Variants in TENM4 observed in about 807,000 individuals in gnomAD.
TENM4 encodes teneurin transmembrane protein 4.
TENM4 carries 82 observed loss-of-function variants against 243.3 expected under a neutral mutation model. The observed-to-expected ratio is 0.34, with a 90% CI of 0.28 to 0.40. TENM4 has a LOEUF of 0.40. TENM4 is among the 10% of genes least tolerant of loss of function. TENM4 has a pLI of 1.00. For missense variants in TENM4, 3,138 were observed against 3,673.3 expected, an observed-to-expected ratio of 0.85 and a Z score of 3.77; for synonymous variants, 1,412 against 1,456.3, an observed-to-expected ratio of 0.97 and a Z score of 0.69.
At chr11:78,730,427 A>C (rs1340859486) in intron 21 of TENM4, among the ~76,000 whole-genome samples, 1 of 152,218 alleles carries the variant, frequency 6.6e-6, no homozygotes, top group Non-Finnish European at 1.5e-5. Context: ...CCTGTGGTTC[A>C]CAGCCCCAGC....
At chr11:78,942,991 A>T (rs1382896632) in intron 6 of TENM4, among the ~76,000 whole-genome samples, 1 of 152,162 alleles carries the variant, frequency 6.6e-6, no homozygotes. Context: ...CAGATTTTCA[A>T]ATCCAATGAA....
intron 2 of TENM4, among the ~76,000 whole-genome samples, chr11:79,241,889 C>A (rs184704936): frequency 8.4e-4 from 128 of 152,280 alleles, no homozygotes; most frequent in African/African-American, 2.9e-3. Flanking sequence ...ACCCTGGAGT[C>A]TTATATGGAA....
chr11:79,396,092 T>G (rs538804), intron 1 of TENM4, among the ~76,000 whole-genome samples: 1 of 152,026 alleles, frequency 6.6e-6, no homozygotes, highest in Non-Finnish European at 1.5e-5. Context: ...CTGCCTATGT[T>G]CTTCCCATCC....
chr11:78,742,286 C>A (rs1855947832), intron 19 of TENM4, among the ~76,000 whole-genome samples: 1 of 152,160 alleles, frequency 6.6e-6, no homozygotes, highest in Non-Finnish European at 1.5e-5. Context: ...TGCTCGAGGT[C>A]ACCCAGAAAT....
chr11:79,264,106 C>T (rs1000452512), intron 2 of TENM4, among the ~76,000 whole-genome samples: 1 of 152,110 alleles, frequency 6.6e-6, no homozygotes, highest in Admixed American at 6.5e-5. Context: ...CTGCAAGCGC[C>T]GTTTTGCTGA....
intron 6 of TENM4, among the ~76,000 whole-genome samples, chr11:79,061,400 C>T (rs1860082090): frequency 6.6e-6 from 1 of 152,172 alleles, no homozygotes; most frequent in Non-Finnish European, 1.5e-5. Flanking sequence ...CCTCTGCCCA[C>T]CCGTCTACCC....
At position 78,903,376 on chromosome 11, in the gene TENM4, G is replaced by A; in HGVS notation, c.641C>T (p.Ala214Val). ...NFTPRSNPSP[A>V]PTDHSLSGEP... ...TCCGGAGAGCGAGTGGTCCGTGGGGGCCGGGCTGGGGTTGCTCCTCGGCGT... is the reference window on the plus strand; with the variant it reads ...TCCGGAGAGCGAGTGGTCCGTGGGGACCGGGCTGGGGTTGCTCCTCGGCGT... Residue 214 changes from alanine (A) to valine (V), a missense_variant, in exon 7 of 34, where the codon GCC (alanine) becomes GTC (valine). Around this residue, in one of 2 missense-constraint regions of TENM4, gnomAD observed 671 missense variants for 614.1 expected, o/e 1.09. Coordinates refer to ENST00000278550, the MANE Select transcript of TENM4 (RefSeq NM_001098816.3). 2.0e-6 allele frequency: 3 copies of A among 1,519,230 alleles called. No homozygotes were observed. Among genetic ancestry groups the A allele is most frequent in the African/African-American group, 1.4e-5 (1 of 70,866 alleles). The allele number at this position is 1,519,230 out of a possible 1,614,324, so 94.1% of individuals were successfully genotyped here.
At chr11:78,882,228 C>A (rs982519099) in intron 9 of TENM4, among the ~76,000 whole-genome samples, 3 of 152,118 alleles carry the variant, frequency 2.0e-5, no homozygotes, top group Admixed American at 6.6e-5. Context: ...ATGAGCTGAG[C>A]CAGATGGAAA....
intron 8 of TENM4, 26 bp downstream of exon 8, chr11:78,891,212 G>A: frequency 6.5e-7 from 1 of 1,548,456 alleles, no homozygotes; most frequent in Non-Finnish European, 8.7e-7. Context: ...AGCACACACA[G>A]AGAGGAGAAT....
At chr11:79,105,033 C>T (rs1211784110) in intron 4 of TENM4, among the ~76,000 whole-genome samples, 1 of 152,164 alleles carries the variant, frequency 6.6e-6, no homozygotes, top group Non-Finnish European at 1.5e-5. Context: ...TACATTCATG[C>T]ATGTGCCAGA....
intron 6 of TENM4, among the ~76,000 whole-genome samples, chr11:78,917,789 A>C (rs893577930): frequency 6.6e-6 from 1 of 152,154 alleles, no homozygotes; most frequent in African/African-American, 2.4e-5. Flanking sequence ...AACGTAATAC[A>C]GTATGGTAGG....
intron 3 of TENM4, among the ~76,000 whole-genome samples, chr11:79,169,673 A>G (rs560894339): frequency 6.6e-6 from 1 of 152,280 alleles, no homozygotes; most frequent in African/African-American, 2.4e-5. Flanking sequence ...ACTTAACCAC[A>G]AGCCACCACC....
chr11:79,297,115 C>T (rs1193175477), intron 2 of TENM4, among the ~76,000 whole-genome samples: 1 of 152,218 alleles, frequency 6.6e-6, no homozygotes, highest in Non-Finnish European at 1.5e-5. Flanking sequence ...GCTCTCTGTT[C>T]TTGACGTACC....
Position 78,974,415 on chromosome 11 carries a change from T to C in TENM4, c.494-70892A>G, listed in dbSNP as rs566512860. Among the ~76,000 whole-genome samples, 6 of 152,334 alleles carry C rather than the reference T, an allele frequency of 3.9e-5. No individual in the cohort carries two copies. The South Asian group carries it at 1.0e-3, about 26-fold the overall frequency. Reference sequence around the variant, plus strand: ...TGAGGCTAGGAGAGGTGATATGACTTGTGCAGGGACACACAACTTTTAAGG... The same window carrying C: ...TGAGGCTAGGAGAGGTGATATGACTCGTGCAGGGACACACAACTTTTAAGG... On this transcript the variant is annotated intron_variant, in intron 6 of 33. Coordinates refer to ENST00000278550, the MANE Select transcript of TENM4 (RefSeq NM_001098816.3).
Position 78,658,237 on chromosome 11 carries a change from G to A in TENM4, c.8131C>T (p.Arg2711Trp), listed in dbSNP as rs747291762. Reference protein sequence around the residue: ...QAWAREQQRLREGEEGLRAWT... With the variant: ...QAWAREQQRLWEGEEGLRAWT... ...GCCCGCAGGCCTTCCTCCCCTTCCC[G>A]CAGTCTCTGCTGCTCGCGGGCCCAC... The change falls in exon 34 of 34, where the codon CGG becomes TGG. Residue 2711 changes from arginine to tryptophan, a missense_variant. Arg to Trp is a moderately radical substitution (Grantham distance 101, BLOSUM62 -3). Coordinates refer to ENST00000278550, the MANE Select transcript of TENM4 (RefSeq NM_001098816.3). 1.7e-5 allele frequency: 28 copies of A among 1,613,654 alleles called. No individual in the cohort carries two copies. The highest frequency in any genetic ancestry group is 1.1e-4 in the East Asian group (5 of 44,896).
At chr11:78,831,776 A>G (rs780824089) in intron 12 of TENM4, among the ~76,000 whole-genome samples, 35 of 152,292 alleles carry the variant, frequency 2.3e-4, no homozygotes, top group Non-Finnish European at 4.9e-4. Flanking sequence ...TTTTAGGCAA[A>G]TCACAATGCC....
chr11:78,686,666 T>C (rs1858684184), intron 29 of TENM4, among the ~76,000 whole-genome samples: 3 of 152,176 alleles, frequency 2.0e-5, no homozygotes, highest in African/African-American at 7.2e-5. Flanking sequence ...ACTGCAGAGT[T>C]GATTGCTTGC....
intron 27 of TENM4, among the ~76,000 whole-genome samples, chr11:78,706,859 T>C (rs1328652851): frequency 6.6e-6 from 1 of 152,146 alleles, no homozygotes; most frequent in Non-Finnish European, 1.5e-5. Context: ...TCAAGCTTGC[T>C]CACAGACTGG....
At chr11:79,001,885 T>C (rs1255413697) in intron 6 of TENM4, among the ~76,000 whole-genome samples, 1 of 152,022 alleles carries the variant, frequency 6.6e-6, no homozygotes, top group Non-Finnish European at 1.5e-5. Flanking sequence ...CAGCAGAACA[T>C]CCCCTGCCAA....
Sources: gnomAD v4.1 joint callset for allele counts (sites outside exome capture counted in the v4.1 genomes callset) on GRCh38, gnomAD v4.1.1 for gene constraint, gnomAD v4.1.1 regional missense constraint, MANE v1.5 for transcripts, NCBI Gene and HGNC (gene_info 2026-07-23, HGNC 2026-07-21) for gene names.